Variants in BEND4 observed in about 807,000 individuals in gnomAD.
BEND4 encodes BEN domain-containing protein 4.
Under a neutral mutation model 54.7 loss-of-function variants are expected in BEND4, and 27 were observed. The observed-to-expected ratio is 0.49, with a 90% confidence interval of 0.36 to 0.68. The LOEUF (loss-of-function observed/expected upper bound fraction) is 0.68. BEND4 is among the 30% of genes least tolerant of loss of function. The probability of loss-of-function intolerance (pLI) is 0.00; values close to 1 mark genes in which losing one functional copy is unlikely to be tolerated. For missense variants in BEND4, 702 were observed against 697.2 expected, an observed-to-expected ratio of 1.01 and a Z score of -0.08; for synonymous variants, 327 against 299.5, an observed-to-expected ratio of 1.09 and a Z score of -0.95.
chr4:42,142,311 A>G (rs1720917679), intron 3 of BEND4, among the ~76,000 whole-genome samples: 1 of 150,822 alleles, frequency 6.6e-6, no homozygotes, highest in Admixed American at 6.6e-5. Flanking sequence ...ACGTACAGGA[A>G]TGAATTCAAA....
chr4:42,135,786 C>T (rs951894541), intron 3 of BEND4, among the ~76,000 whole-genome samples: 3 of 142,514 alleles, frequency 2.1e-5, no homozygotes, highest in African/African-American at 8.9e-5. Context: ...AAAAACCAAC[C>T]AAACAAACAT....
At chr4:42,131,370 T>C (rs1232769151) in intron 3 of BEND4, among the ~76,000 whole-genome samples, 1 of 152,236 alleles carries the variant, frequency 6.6e-6, no homozygotes, top group Non-Finnish European at 1.5e-5. Context: ...GTGTTAACGA[T>C]AATAGTTAAC....
In BEND4 at chr4:42,113,569, G is replaced by C. The variant is rs1377527848; in HGVS notation, c.*3949C>G. Reference sequence around the variant, plus strand: ...CTACAGATTCGAAGTCTGGGTTATTGCCTAATTTGGGGTAAACATCTGATA... The same window carrying C: ...CTACAGATTCGAAGTCTGGGTTATTCCCTAATTTGGGGTAAACATCTGATA... On this transcript the variant is annotated 3_prime_UTR_variant, in exon 6 of 6. Coordinates refer to ENST00000502486, the MANE Select transcript of BEND4 (RefSeq NM_207406.4). 6.6e-6 allele frequency: 1 copy of C among 152,136 alleles called. No individual in the cohort carries two copies. The highest frequency in any genetic ancestry group is 1.5e-5 in the Non-Finnish European group (1 of 68,030). The allele number at this position is 152,136 out of a possible 1,614,324, so 9.4% of individuals were successfully genotyped here.
rs1295071789 is a variant in BEND4, at chr4:42,123,698, A to AAAAAAAC, written c.1146+1884_1146+1885insGTTTTTT. Among the ~76,000 whole-genome samples, 392 of 146,986 alleles carry AAAAAAAC rather than the reference A, an allele frequency of 2.7e-3. 4 individuals carry two copies. The highest frequency in any genetic ancestry group is 1.0e-2 in the African/African-American group (382 of 38,376). ...TTACTTTGGATCTGTAATTCAGAAAAAAAAAAAAAAAAAAAAAAACAACTT... is the reference window on the plus strand; with the variant it reads ...TTACTTTGGATCTGTAATTCAGAAAAAAAAAACAAAAAAAAAAAAAAAAAAACAACTT... On this transcript the variant is annotated intron_variant, in intron 4 of 5. Coordinates refer to ENST00000502486, the MANE Select transcript of BEND4 (RefSeq NM_207406.4).
intron 4 of BEND4, among the ~76,000 whole-genome samples, chr4:42,121,331 G>C (rs971668189): frequency 6.6e-6 from 1 of 152,156 alleles, no homozygotes; most frequent in Non-Finnish European, 1.5e-5. Flanking sequence ...CTAGGAAACC[G>C]GCACGGAGTT....
intron 2 of BEND4, among the ~76,000 whole-genome samples, chr4:42,148,310 G>A (rs1210694093): frequency 6.6e-6 from 1 of 152,044 alleles, no homozygotes; most frequent in Non-Finnish European, 1.5e-5. Flanking sequence ...AAACAGGATG[G>A]AATTTTTCTA....
rs1445213836 is a variant in BEND4 at position 42,143,740 on chromosome 4, C to G, written c.742G>C (p.Val248Leu). 1 of 1,613,990 alleles carries G rather than the reference C, an allele frequency of 6.2e-7. No individual in the cohort carries two copies. Among genetic ancestry groups the G allele is most frequent in the East Asian group, 2.2e-5 (1 of 44,876 alleles). ...RKQQTSAFLR[V>L]FTDSLQNYLL... ...TAATTTTGTAGAGAGTCAGTGAAAACCCTCAAAAAGGCAGAAGTTTGTTGT... is the reference window on the plus strand; with the variant it reads ...TAATTTTGTAGAGAGTCAGTGAAAAGCCTCAAAAAGGCAGAAGTTTGTTGT... Residue 248 changes from valine to leucine, a missense_variant, in exon 3 of 6, where the codon GTT becomes CTT. By Grantham distance (32) the Val-to-Leu change is conservative (BLOSUM62 1). Transcript: ENST00000502486.
intron 2 of BEND4, 120 bp from the exon 3 acceptor site, chr4:42,144,114 T>A: frequency 1.3e-6 from 1 of 766,116 alleles, no homozygotes; most frequent in South Asian, 1.5e-5. Flanking sequence ...CTGTCTGTCA[T>A]AAACCAAGAT....
At chr4:42,129,575 A>G (rs940933766) in intron 3 of BEND4, among the ~76,000 whole-genome samples, 1 of 152,208 alleles carries the variant, frequency 6.6e-6, no homozygotes, top group Non-Finnish European at 1.5e-5. Flanking sequence ...AGAGAACTCA[A>G]ATAAGACTGC....
In BEND4 at chr4:42,143,686, T is replaced by C; in HGVS notation, c.796A>G (p.Asn266Asp). Residue 266 changes from asparagine (N) to aspartate (D), a missense_variant, in exon 3 of 6, where the codon AAC becomes GAC. Physicochemically the swap from Asn to Asp is conservative, Grantham distance 23 (BLOSUM62 1). Transcript: ENST00000502486. ...CCATATTCACTGGCTGACGAGGGGT[T>C]TGGAGTTGGAAAGCTTCCCGAGAGC... Reference protein sequence around the residue: ...YLLSGSFPTPNPSSASEYGHL... With the variant: ...YLLSGSFPTPDPSSASEYGHL... 1.2e-6 allele frequency: 2 copies of C among 1,614,002 alleles called. No homozygotes were observed. Among genetic ancestry groups the C allele is most frequent in the Non-Finnish European group, 1.7e-6 (2 of 1,179,906 alleles).
chr4:42,152,425 T>G, intron 1 of BEND4, 49 bp from the exon 2 acceptor site: 1 of 185,586 alleles, frequency 5.4e-6, no homozygotes, highest in Non-Finnish European at 1.1e-5. Context: ...TAATATCTGC[T>G]AATGATAATG....
chr4:42,143,982 A>T lies in BEND4; in HGVS notation c.500T>A (p.Ile167Asn). Reference sequence around the variant, plus strand: ...GCACTGCTGGGCAAAGGCATCCAAGATCATTCGACTCTCTGAAACAAATGA... The same window carrying T: ...GCACTGCTGGGCAAAGGCATCCAAGTTCATTCGACTCTCTGAAACAAATGA... ...SLELSAESRM[I>N]LDAFAQQCSR... Residue 167 changes from isoleucine (I) to asparagine (N), a missense_variant, in exon 3 of 6, where the codon ATC becomes AAC. Coordinates refer to ENST00000502486, the MANE Select transcript of BEND4 (RefSeq NM_207406.4). 1.3e-6 allele frequency: 2 copies of T among 1,570,348 alleles called. No individual in the cohort carries two copies. Among genetic ancestry groups the T allele is most frequent in the Non-Finnish European group, 8.6e-7 (1 of 1,161,942 alleles).
rs763148102 is a variant in BEND4, at chr4:42,115,081, T to C, written c.*2437A>G. The C allele has an allele frequency of 6.6e-6, 1 of 152,276 alleles. No individual in the cohort carries two copies. The highest frequency in any genetic ancestry group is 1.5e-5 in the Non-Finnish European group (1 of 68,076). The allele number at this position is 152,276 out of a possible 1,614,324, so 9.4% of individuals were successfully genotyped here. A position where few individuals can be genotyped will look rare whatever the true frequency, so the allele number is the denominator to read the frequency against. On this transcript the variant is annotated 3_prime_UTR_variant, in exon 6 of 6. Coordinates refer to ENST00000502486, the MANE Select transcript of BEND4 (RefSeq NM_207406.4). The stretch of plus-strand genomic sequence containing the variant: ...ACCCAGCAGAGGAGTTAGAACTGGC[T>C]GTGCGATGCTGAGTATGGAGTCTGT...
chr4:42,140,025 T>C (rs1720830167), intron 3 of BEND4, among the ~76,000 whole-genome samples: 1 of 152,202 alleles, frequency 6.6e-6, no homozygotes, highest in Non-Finnish European at 1.5e-5. Flanking sequence ...AAGTAAAAAG[T>C]GGATTCTTGG....
intron 2 of BEND4, among the ~76,000 whole-genome samples, chr4:42,145,040 C>T (rs1156913559): frequency 2.6e-5 from 4 of 152,020 alleles, no homozygotes; most frequent in Non-Finnish European, 5.9e-5. Context: ...TGGCAATAAA[C>T]AAAATATTCT....
At position 42,114,763 on chromosome 4, in the gene BEND4, G is replaced by A. The variant is rs1036295634; in HGVS notation, c.*2755C>T. The A allele has an allele frequency of 3.3e-4, 50 of 152,162 alleles. No homozygotes were observed. Among genetic ancestry groups the A allele is most frequent in the African/African-American group, 1.2e-3 (48 of 41,432 alleles). 9.4% of individuals were successfully genotyped at this position (152,162 alleles called of 1,614,324 possible). ...AAAATACAAATGAACATCCTTTGTT[G>A]GTCCTGATTTAAACAAGAGGAGACC... On this transcript the variant is annotated 3_prime_UTR_variant, in exon 6 of 6. Transcript: ENST00000502486.
At chr4:42,126,531 A>G (rs1182221727) in intron 3 of BEND4, among the ~76,000 whole-genome samples, 1 of 152,194 alleles carries the variant, frequency 6.6e-6, no homozygotes. Flanking sequence ...TTGGTTATAC[A>G]TTTTACTATT....
intron 3 of BEND4, among the ~76,000 whole-genome samples, chr4:42,137,469 T>G (rs746245205): frequency 2.6e-5 from 4 of 152,142 alleles, no homozygotes; most frequent in Non-Finnish European, 5.9e-5. Context: ...GAAATAATTT[T>G]TTAGGTATCA....
At chr4:42,138,930 TAA>T (rs1434493674) in intron 3 of BEND4, among the ~76,000 whole-genome samples, 1 of 152,200 alleles carries the variant, frequency 6.6e-6, no homozygotes, top group Admixed American at 6.5e-5. Flanking sequence ...TAGTGGAACA[TAA>T]AGATTGGTGT....
Sources: allele counts gnomAD v4.1 joint callset (sites outside exome capture counted in the v4.1 genomes callset), GRCh38; gene constraint gnomAD v4.1.1; transcripts MANE v1.5; gene names NCBI Gene and HGNC (gene_info 2026-07-23, HGNC 2026-07-21).